The following ASPH variants were observed in gnomAD, a reference collection of about 807,000 sequenced individuals.
The protein encoded by ASPH is aspartate beta-hydroxylase.
In ASPH, 100 loss-of-function variants were observed where a neutral mutation model predicts 118.4. The ratio of observed to expected loss-of-function variants is 0.84; its 90% CI spans 0.72 to 1.00. ASPH has a LOEUF of 1.00. ASPH is among the 50% of genes least tolerant of loss of function. The probability of loss-of-function intolerance (pLI) is 0.00; values close to 1 mark genes in which losing one functional copy is unlikely to be tolerated. For synonymous variants in ASPH, 315 were observed against 325.6 expected, an observed-to-expected ratio of 0.97 and a Z score of 0.35; for missense variants, 920 against 919.5, an observed-to-expected ratio of 1.00 and a Z score of -0.01.
At chr8:61,509,785 A>G (rs1227421176) in intron 24 of ASPH, among the ~76,000 whole-genome samples, 3 of 152,004 alleles carry the variant, frequency 2.0e-5, no homozygotes, top group African/African-American at 7.3e-5. Flanking sequence ...AGAGAGAAAA[A>G]GGAGAGATGT....
intron 1 of ASPH, among the ~76,000 whole-genome samples, chr8:61,711,846 A>T (rs185379345): frequency 0.033 from 5,050 of 152,298 alleles, 265 homozygotes; most frequent in African/African-American, 0.11. Flanking sequence ...TCTCAAACTA[A>T]AATTTCAAAT....
intron 5 of ASPH, among the ~76,000 whole-genome samples, chr8:61,647,201 G>T (rs921242553): frequency 6.6e-6 from 1 of 152,148 alleles, no homozygotes; most frequent in Non-Finnish European, 1.5e-5. Context: ...AATATTTGAT[G>T]AATGAATAAA....
At chr8:61,525,356 G>A (rs796547747) in intron 22 of ASPH, among the ~76,000 whole-genome samples, 10 of 143,822 alleles carry the variant, frequency 7.0e-5, no homozygotes, top group South Asian at 2.3e-4. Flanking sequence ...ACACACACAC[G>A]CACACACACA....
rs1431818901 is a variant in ASPH, at chr8:61,562,891, G to A, written c.1301-11C>T. 2.6e-6 allele frequency: 4 copies of A among 1,559,222 alleles called. No homozygotes were observed. The highest frequency in any genetic ancestry group is 3.4e-6 in the Non-Finnish European group (4 of 1,159,726). The stretch of plus-strand genomic sequence containing the variant: ...AACCTCTCATATGACCTGAGTAGGT[G>A]GGAATTTAAAAAAAATAGAAATAAA... On this transcript the variant is annotated splice_polypyrimidine_tract_variant and intron_variant, in intron 17 of 24. Transcript: ENST00000379454.
At chr8:61,535,682 T>G (rs992359920) in intron 21 of ASPH, among the ~76,000 whole-genome samples, 11 of 152,250 alleles carry the variant, frequency 7.2e-5, no homozygotes, top group Admixed American at 6.5e-4. Context: ...ATGCTTGTCA[T>G]TAGTTATTAT....
At chr8:61,663,445 T>C (rs1277563004) in intron 3 of ASPH, 2 of 985,404 alleles carry the variant, frequency 2.0e-6, no homozygotes, top group Non-Finnish European at 1.2e-6. Context: ...ATCTTGGTTA[T>C]CAAGTGGTAG....
intron 3 of ASPH, among the ~76,000 whole-genome samples, chr8:61,678,903 C>A (rs1826592453): frequency 6.6e-6 from 1 of 152,082 alleles, no homozygotes; most frequent in Non-Finnish European, 1.5e-5. Flanking sequence ...CCCCCCATAA[C>A]CTCTACCTGA....
At chr8:61,518,396 C>A (rs1190853379) in intron 22 of ASPH, among the ~76,000 whole-genome samples, 2 of 152,162 alleles carry the variant, frequency 1.3e-5, no homozygotes, top group African/African-American at 4.8e-5. Context: ...GAATGTCTAA[C>A]AGACAAGACA....
chr8:61,523,240 AC>A (rs1336919495), intron 22 of ASPH, among the ~76,000 whole-genome samples: 1 of 150,992 alleles, frequency 6.6e-6, no homozygotes, highest in South Asian at 2.1e-4. Flanking sequence ...GAACCACAGC[AC>A]CTGACATGGA....
In ASPH at chr8:61,643,175, T is replaced by C. The variant is rs56947738; in HGVS notation, c.757+211A>G. 0.014 allele frequency among the ~76,000 whole-genome samples: 2,183 copies of C among 152,288 alleles called. 58 individuals carry two copies. The highest frequency in any genetic ancestry group is 0.05 in the African/African-American group (2,097 of 41,546). On this transcript the variant is annotated intron_variant, in intron 9 of 24. Coordinates refer to ENST00000379454, the MANE Select transcript of ASPH (RefSeq NM_004318.4). ...AACAGCATTAAAATTTGACATCCTG[T>C]TTTGTTATGGAATGGTTAGTTGATG...
rs1856573036 is a variant in ASPH, at chr8:61,633,713, G to A, written c.904C>T (p.Pro302Ser). The A allele has an allele frequency of 3.1e-6, 5 of 1,596,470 alleles. No homozygotes were observed. In the East Asian group the frequency reaches 1.1e-4, roughly 36 times the overall value. The change falls in exon 13 of 25, where the codon CCT becomes TCT. Residue 302 changes from proline (P) to serine (S), a missense_variant. Physicochemically the swap from Pro to Ser is moderately conservative, Grantham distance 74. Coordinates refer to ENST00000379454, the MANE Select transcript of ASPH (RefSeq NM_004318.4). ...GGTACTTCCTGCTGTTCTTCCACAG[G>A]AAAAATGCTTACTTCTAAAATAAAT... ...QVIVEEVSIFPVEEQQEVPPE... is the reference protein window; with the variant it reads ...QVIVEEVSIFSVEEQQEVPPE...
intron 21 of ASPH, among the ~76,000 whole-genome samples, chr8:61,546,411 A>G (rs181695151): frequency 6.6e-6 from 1 of 152,360 alleles, no homozygotes; most frequent in African/African-American, 2.4e-5. Flanking sequence ...AAGCAGAATC[A>G]GAAGAGTTCG....
chr8:61,597,589 G>A (rs2133280579), intron 14 of ASPH, among the ~76,000 whole-genome samples: 1 of 152,206 alleles, frequency 6.6e-6, no homozygotes, highest in African/African-American at 2.4e-5. Context: ...TTACATTACA[G>A]TAAAACTGTC....
chr8:61,662,619 A>T (rs1817482012), intron 3 of ASPH, among the ~76,000 whole-genome samples: 1 of 152,208 alleles, frequency 6.6e-6, no homozygotes, highest in Non-Finnish European at 1.5e-5. Flanking sequence ...GCAGTTGGAT[A>T]AAGTGTGACT....
intron 3 of ASPH, among the ~76,000 whole-genome samples, chr8:61,672,105 A>G (rs1822855524): frequency 6.6e-6 from 1 of 152,164 alleles, no homozygotes; most frequent in Non-Finnish European, 1.5e-5. Flanking sequence ...AGAGGCCCTA[A>G]ATGTCTGAGT....
chr8:61,562,584 A>G (rs1368386094), intron 18 of ASPH, among the ~76,000 whole-genome samples, 160 bp downstream of exon 18: 3 of 152,232 alleles, frequency 2.0e-5, no homozygotes, highest in Admixed American at 6.5e-5. Flanking sequence ...ATCTAGGAAG[A>G]AAAGCAATGT....
At chr8:61,578,293 A>G in intron 15 of ASPH, 1 of 1,592,824 alleles carries the variant, frequency 6.3e-7, no homozygotes, top group Non-Finnish European at 8.6e-7. Flanking sequence ...AGCCGCTCCT[A>G]CACGAGTGGG....
At position 61,675,471 on chromosome 8, in the gene ASPH, G is replaced by A. The variant is rs537449874; in HGVS notation, c.322+5497C>T. On this transcript the variant is annotated intron_variant, in intron 3 of 24. Coordinates refer to ENST00000379454, the MANE Select transcript of ASPH (RefSeq NM_004318.4). ...TTAACTTACTCTAAGGCAAAAACAT[G>A]GAGTTATTTTTAAATTATTTTAAAA... The A allele has an allele frequency of 1.7e-5, 17 of 983,674 alleles. No individual in the cohort carries two copies. The East Asian group carries it at 1.1e-3, about 66-fold the overall frequency. The allele number at this position is 983,674 out of a possible 1,614,324, so 60.9% of individuals were successfully genotyped here.
At chr8:61,648,811 A>T (rs991079294) in intron 5 of ASPH, among the ~76,000 whole-genome samples, 1 of 152,218 alleles carries the variant, frequency 6.6e-6, no homozygotes, top group South Asian at 2.1e-4. Context: ...TGCTAAAGCC[A>T]CATGGCTAAT....
Sources: gnomAD v4.1 joint callset for allele counts (sites outside exome capture counted in the v4.1 genomes callset) on GRCh38, gnomAD v4.1.1 for gene constraint, MANE v1.5 for transcripts, NCBI Gene and HGNC (gene_info 2026-07-23, HGNC 2026-07-21) for gene names.